The following SLC4A5 variants were observed in gnomAD, a reference collection of about 807,000 sequenced individuals.
SLC4A5 encodes electrogenic sodium bicarbonate cotransporter 4.
Under a neutral mutation model 120.4 loss-of-function variants are expected in SLC4A5, and 96 were observed. The ratio of observed to expected loss-of-function variants is 0.80; its 90% CI spans 0.68 to 0.94. SLC4A5 has a LOEUF of 0.94. SLC4A5 is among the 40% of genes least tolerant of loss of function. The pLI, the probability that SLC4A5 is intolerant of heterozygous loss-of-function variation, is 0.00. For synonymous variants in SLC4A5, 550 were observed against 571.1 expected (o/e 0.96, Z 0.53); for missense variants, 1,259 against 1,459.5 (o/e 0.86, Z 2.24).
chr2:74,232,500 G>C (rs776954728), exon 24 of SLC4A5: 1 of 1,614,002 alleles, frequency 6.2e-7, no homozygotes, highest in South Asian at 1.1e-5. Flanking sequence ...TGCTCCCCAG[G>C]GGCACTGGTC....
intron 6 of SLC4A5, chr2:74,306,934 C>A: frequency 1.6e-6 from 1 of 613,596 alleles, no homozygotes; most frequent in South Asian, 1.5e-5. Context: ...GCCTTGTACT[C>A]CTGGGCCTGG....
intron 7 of SLC4A5, among the ~76,000 whole-genome samples, chr2:74,302,510 G>A (rs759080459): frequency 3.3e-5 from 5 of 152,092 alleles, no homozygotes; most frequent in Non-Finnish European, 4.4e-5. Flanking sequence ...CCAGCTACTC[G>A]CGAGGCTGAG....
chr2:74,248,878 T>A (rs570272611), intron 17 of SLC4A5, among the ~76,000 whole-genome samples: 1 of 152,344 alleles, frequency 6.6e-6, no homozygotes, highest in South Asian at 2.1e-4. Context: ...CCGCTGAGTG[T>A]CTGCTGTGTA....
intron 4 of SLC4A5, among the ~76,000 whole-genome samples, chr2:74,332,035 C>G (rs1285662738): frequency 6.6e-6 from 1 of 152,088 alleles, no homozygotes; most frequent in Non-Finnish European, 1.5e-5. Flanking sequence ...AAGTTTCATT[C>G]TGAGGGAAAG....
intron 20 of SLC4A5, among the ~76,000 whole-genome samples, chr2:74,240,111 G>C (rs1460842192): frequency 6.6e-6 from 1 of 151,122 alleles, no homozygotes; most frequent in Non-Finnish European, 1.5e-5. Context: ...AGTGTTCCAA[G>C]CCCCACCCTC....
At chr2:74,311,262 T>C (rs1004972544) in intron 6 of SLC4A5, among the ~76,000 whole-genome samples, 10 of 152,162 alleles carry the variant, frequency 6.6e-5, no homozygotes, top group Non-Finnish European at 1.0e-4. Flanking sequence ...TTCAGTTTCA[T>C]TGATTTTCTC....
At chr2:74,302,285 C>T (rs1672496144) in intron 7 of SLC4A5, among the ~76,000 whole-genome samples, 1 of 152,114 alleles carries the variant, frequency 6.6e-6, no homozygotes, top group Admixed American at 6.5e-5. Flanking sequence ...ATAGGAAGAG[C>T]AGACGGTGAA....
intron 4 of SLC4A5, among the ~76,000 whole-genome samples, chr2:74,328,685 A>T (rs1673277788): frequency 6.6e-6 from 1 of 152,032 alleles, no homozygotes; most frequent in Non-Finnish European, 1.5e-5. Flanking sequence ...TACTGGCATG[A>T]CCCCAGTTGG....
At chr2:74,285,360 C>T (rs1573062241) in intron 8 of SLC4A5, among the ~76,000 whole-genome samples, 2 of 152,174 alleles carry the variant, frequency 1.3e-5, no homozygotes, top group East Asian at 1.9e-4. Context: ...GTCAAAAATA[C>T]AGTATTCATG....
chr2:74,281,397 G>C (rs1212085503), intron 8 of SLC4A5, among the ~76,000 whole-genome samples: 1 of 152,190 alleles, frequency 6.6e-6, no homozygotes, highest in Admixed American at 6.5e-5. Context: ...GTCAGGCAGA[G>C]GTGGGCATGA....
At chr2:74,336,627 G>C (rs918555191) in intron 3 of SLC4A5, among the ~76,000 whole-genome samples, 1 of 152,182 alleles carries the variant, frequency 6.6e-6, no homozygotes, top group Non-Finnish European at 1.5e-5. Flanking sequence ...CTAAAGCTTA[G>C]AGAGGATAAC....
intron 7 of SLC4A5, among the ~76,000 whole-genome samples, chr2:74,297,180 AC>A (rs1672355696): frequency 6.6e-6 from 1 of 151,118 alleles, no homozygotes; most frequent in African/African-American, 2.5e-5. Context: ...ACAAATGCCC[AC>A]TTTAGAGGAA....
intron 4 of SLC4A5, among the ~76,000 whole-genome samples, chr2:74,332,737 G>A (rs890305701): frequency 3.3e-5 from 5 of 151,602 alleles, no homozygotes; most frequent in South Asian, 2.1e-4. Flanking sequence ...GTGTGTGTGC[G>A]CATGTATGTG....
At chr2:74,268,127 T>A (rs1168850892) in intron 8 of SLC4A5, among the ~76,000 whole-genome samples, 1 of 152,160 alleles carries the variant, frequency 6.6e-6, no homozygotes, top group East Asian at 1.9e-4. Context: ...GTAATAATAA[T>A]AATGTACAGC....
chr2:74,294,296 T>C (rs1364387948), intron 7 of SLC4A5, among the ~76,000 whole-genome samples: 1 of 152,178 alleles, frequency 6.6e-6, no homozygotes, highest in East Asian at 1.9e-4. Flanking sequence ...CCGAGCATTA[T>C]AAGACCCAAC....
intron 24 of SLC4A5, 133 bp downstream of exon 24, chr2:74,232,336 G>T: frequency 9.8e-7 from 1 of 1,022,928 alleles, no homozygotes; most frequent in Non-Finnish European, 1.4e-6. Flanking sequence ...TAGCACTCCT[G>T]TCCCTGTGGT....
At chr2:74,220,952 TG>T (rs2103864788) in intron 30 of SLC4A5, among the ~76,000 whole-genome samples, 1 of 149,612 alleles carries the variant, frequency 6.7e-6, no homozygotes, top group East Asian at 2.0e-4. Flanking sequence ...GCCATTCCCC[TG>T]CCTCAGCCTC....
At chr2:74,293,354 G>A (rs1219979262) in intron 7 of SLC4A5, among the ~76,000 whole-genome samples, 1 of 152,170 alleles carries the variant, frequency 6.6e-6, no homozygotes, top group African/African-American at 2.4e-5. Context: ...CCCAGCCCAT[G>A]TCCCCTCCTC....
In SLC4A5 at chr2:74,304,567, G is replaced by A; in HGVS notation, c.193C>T (p.Gln65Ter). 1 of 1,614,178 alleles carries A rather than the reference G, an allele frequency of 6.2e-7. No homozygotes were observed. Among genetic ancestry groups the A allele is most frequent in the Non-Finnish European group, 8.5e-7 (1 of 1,180,034 alleles). ...GGGCCAGTCAGTTCCTGCTGTGGCT[G>A]GTCTGGCCGCAGGCCCCAGTGGACT... The change falls in exon 7 of 31, where the codon CAG becomes TAG. Residue 65 changes from glutamine to a stop codon, truncating the protein, a stop_gained. Transcript: ENST00000394019. LOFTEE classifies it high-confidence loss of function.
Sources: gnomAD v4.1 joint callset for allele counts (sites outside exome capture counted in the v4.1 genomes callset) on GRCh38, gnomAD v4.1.1 for gene constraint, MANE v1.5 for transcripts, NCBI Gene and HGNC (gene_info 2026-07-23, HGNC 2026-07-21) for gene names.